Variants in RHAG observed in about 807,000 individuals in gnomAD.
RHAG encodes the protein ammonium transporter Rh type A.
Under a neutral mutation model 42.4 loss-of-function variants are expected in RHAG, and 25 were observed. The observed-to-expected ratio is 0.59, with a 90% CI of 0.43 to 0.82. The LOEUF is 0.82. Ranked by LOEUF, RHAG falls within the 40% of genes least tolerant of loss-of-function variation. RHAG has a pLI of 0.00. For synonymous variants in RHAG, 182 were observed against 177.7 expected, an observed-to-expected ratio of 1.02 and a Z score of -0.19; for missense variants, 483 against 504.6, an observed-to-expected ratio of 0.96 and a Z score of 0.41.
At chr6:49,620,676 C>T (rs981366689) in intron 1 of RHAG, among the ~76,000 whole-genome samples, 13 of 152,034 alleles carry the variant, frequency 8.6e-5, no homozygotes, top group East Asian at 1.9e-4. Context: ...GGATTACGGG[C>T]GCATGCCACC....
chr6:49,613,850 A>G (rs1348550318), intron 5 of RHAG, among the ~76,000 whole-genome samples: 1 of 152,250 alleles, frequency 6.6e-6, no homozygotes, highest in African/African-American at 2.4e-5. Context: ...ATTAGCATTG[A>G]TAAAATACTA....
At position 49,616,061 on chromosome 6, in the gene RHAG, A is replaced by C. The variant is rs563766949; in HGVS notation, c.493-290T>G. Among the ~76,000 whole-genome samples the C allele has an allele frequency of 9.9e-4, 151 of 152,290 alleles. 1 individual carries two copies. The highest frequency in any genetic ancestry group is 3.5e-3 in the African/African-American group (146 of 41,562). On this transcript the variant is annotated intron_variant, in intron 3 of 9. Coordinates refer to ENST00000371175, the MANE Select transcript of RHAG (RefSeq NM_000324.3). ...TCTAAGGATTCTGTAAAATGGGGAA[A>C]TATTACCCACTCTCAACAGAGTTTG...
intron 1 of RHAG, among the ~76,000 whole-genome samples, chr6:49,623,517 G>A (rs1762796928): frequency 6.6e-6 from 1 of 152,186 alleles, no homozygotes; most frequent in Non-Finnish European, 1.5e-5. Context: ...GCACTTTGGA[G>A]AAATCTTCCA....
intron 1 of RHAG, chr6:49,632,126 G>C (rs79175943): frequency 6.6e-6 from 1 of 152,106 alleles, no homozygotes; most frequent in African/African-American, 2.4e-5. Context: ...TGCCTTTTGT[G>C]TATGACATGT....
chr6:49,606,929 G>A lies in RHAG; in HGVS notation c.1139-8C>T, dbSNP rs371138091. The A allele has an allele frequency of 5.2e-5, 84 of 1,600,540 alleles. No homozygotes were observed. Among genetic ancestry groups the A allele is most frequent in the Middle Eastern group, 1.7e-4 (1 of 6,032 alleles). ...GCAACTTTAGAATTAAACCTGTGAC[G>A]GTAGAGGGAAAATGAGTCATGTTGT... On this transcript the variant is annotated splice_polypyrimidine_tract_variant and splice_region_variant and intron_variant, in intron 8 of 9. Coordinates refer to ENST00000371175, the MANE Select transcript of RHAG (RefSeq NM_000324.3).
In RHAG at chr6:49,614,710, C is replaced by G. The variant is rs1383596326; in HGVS notation, c.784G>C (p.Glu262Gln). 6.2e-7 allele frequency: 1 copy of G among 1,613,912 alleles called. No homozygotes were observed. The highest frequency in any genetic ancestry group is 1.7e-5 in the Admixed American group (1 of 60,008). ...LTAFAFSSLV[E>Q]HRGKLNMVHI... is the part of the protein sequence containing the mutation. ...ACCATGTTGAGCTTGCCTCGGTGCT[C>G]CACTAGGCTGGAGAAGGCAAAGGCT... The change falls in exon 5 of 10, where the codon GAG (glutamate) becomes CAG (glutamine). Residue 262 changes from glutamate (E) to glutamine (Q), a missense_variant. Physicochemically the swap from Glu to Gln is conservative, Grantham distance 29 (BLOSUM62 2). Transcript: ENST00000371175.
chr6:49,615,387 T>TTTATTA (rs1033287515), intron 4 of RHAG: 1 of 365,392 alleles, frequency 2.7e-6, no homozygotes, highest in Admixed American at 4.0e-5. Context: ...TTTAATTGAA[T>TTTATTA]TTATTATTAT....
At chr6:49,626,009 T>G (rs1467140038) in intron 1 of RHAG, among the ~76,000 whole-genome samples, 2 of 152,134 alleles carry the variant, frequency 1.3e-5, no homozygotes, top group East Asian at 3.9e-4. Context: ...GTGTTTCAAT[T>G]ACCTCCCACT....
intron 5 of RHAG, 23 bp from the exon 6 acceptor site, chr6:49,612,557 A>T (rs917415442): frequency 5.0e-6 from 8 of 1,613,818 alleles, no homozygotes; most frequent in Admixed American, 1.7e-5. Context: ...CAGAAACATA[A>T]ATGAGGTGAG....
At chr6:49,629,861 C>T (rs1007488211) in intron 1 of RHAG, among the ~76,000 whole-genome samples, 1 of 152,226 alleles carries the variant, frequency 6.6e-6, no homozygotes, top group African/African-American at 2.4e-5. Context: ...CCGCCAAGCC[C>T]ATGCCCACCC....
At chr6:49,606,727 A>C (rs887273365) in intron 9 of RHAG, 121 bp downstream of exon 9, 19 of 759,132 alleles carry the variant, frequency 2.5e-5, no homozygotes, top group Non-Finnish European at 4.2e-5. Flanking sequence ...TGAGCTACCT[A>C]CCATGCCAGG....
intron 1 of RHAG, among the ~76,000 whole-genome samples, chr6:49,629,917 G>C: frequency 6.6e-6 from 1 of 152,142 alleles, no homozygotes; most frequent in East Asian, 1.9e-4. Flanking sequence ...CCCGGTTCCC[G>C]CTCGCGCCTC....
chr6:49,612,879 C>T (rs1347910112), intron 5 of RHAG, among the ~76,000 whole-genome samples: 5 of 152,000 alleles, frequency 3.3e-5, no homozygotes, highest in East Asian at 1.9e-4. Flanking sequence ...ATGCAGTTTT[C>T]GGAACACATT....
chr6:49,633,107 A>G (rs1762957827), intron 1 of RHAG, among the ~76,000 whole-genome samples: 1 of 152,244 alleles, frequency 6.6e-6, no homozygotes. Context: ...AAAGCACGAC[A>G]GAATACAAGT....
At chr6:49,625,420 G>A (rs889867141) in intron 1 of RHAG, among the ~76,000 whole-genome samples, 30 of 152,170 alleles carry the variant, frequency 2.0e-4, no homozygotes, top group Non-Finnish European at 3.8e-4. Context: ...TGTATTCCAA[G>A]GGTAGTTTTG....
intron 1 of RHAG, among the ~76,000 whole-genome samples, chr6:49,635,305 T>C (rs543236323): frequency 3.9e-5 from 6 of 152,094 alleles, no homozygotes; most frequent in Non-Finnish European, 8.8e-5. Context: ...ATTTAAATCA[T>C]ATTAATCTTA....
In RHAG at chr6:49,620,600, C is replaced by T. The variant is rs541448510; in HGVS notation, c.158-1238G>A. ...AGGATGGAGTGCAGTGGCATGAACT[C>T]GGCTCACTGCAACCTCCGCCTCCCA... On this transcript the variant is annotated intron_variant, in intron 1 of 9. Transcript: ENST00000371175. Among the ~76,000 whole-genome samples, 7 of 152,036 alleles carry T rather than the reference C, an allele frequency of 4.6e-5. No individual in the cohort carries two copies. In the South Asian group the frequency reaches 1.2e-3, roughly 27 times the overall value.
chr6:49,623,383 CT>C (rs1193675194), intron 1 of RHAG, among the ~76,000 whole-genome samples: 1 of 152,124 alleles, frequency 6.6e-6, no homozygotes, highest in Non-Finnish European at 1.5e-5. Context: ...ATTTATCCTG[CT>C]TTAAGAGTTT....
chr6:49,618,285 C>T, intron 2 of RHAG, 67 bp from the exon 3 acceptor site: 2 of 1,556,132 alleles, frequency 1.3e-6, no homozygotes, highest in Non-Finnish European at 1.8e-6. Flanking sequence ...AAAGTGCAAT[C>T]CCATCTCCCA....
Sources: allele counts gnomAD v4.1 joint callset (sites outside exome capture counted in the v4.1 genomes callset), GRCh38; gene constraint gnomAD v4.1.1; transcripts MANE v1.5; gene names NCBI Gene and HGNC (gene_info 2026-07-23, HGNC 2026-07-21).